NEDD4L: variants seen among roughly 807,000 people sequenced by gnomAD.
The protein encoded by NEDD4L is E3 ubiquitin-protein ligase NEDD4-like.
Under a neutral mutation model 148.9 loss-of-function variants are expected in NEDD4L, and 54 were observed. The ratio of observed to expected loss-of-function variants is 0.36; its 90% confidence interval spans 0.29 to 0.45. The LOEUF (loss-of-function observed/expected upper bound fraction) is 0.45, where lower values mean the gene tolerates loss of function less well. NEDD4L is among the 20% of genes least tolerant of loss of function. NEDD4L has a pLI of 1.00. For synonymous variants in NEDD4L, 433 were observed against 440.7 expected, an observed-to-expected ratio of 0.98 and a Z score of 0.22; for missense variants, 856 against 1,233.8, an observed-to-expected ratio of 0.69 and a Z score of 4.59.
Position 58,364,312 on chromosome 18 carries a change from C to T in NEDD4L, c.1812C>T (p.Phe604=). Residue 604 remains phenylalanine (F), a synonymous_variant, in exon 20 of 31, where the codon TTC becomes TTT. Transcript: ENST00000400345. ...SREFKQKYDY[F]RKKLKKPADI... ...AATTTAAGCAGAAATATGACTACTT[C>T]AGGAAGAAATTAAAGAAACCTGTGA... The T allele has an allele frequency of 1.9e-6, 3 of 1,561,178 alleles. No homozygotes were observed. Among genetic ancestry groups the T allele is most frequent in the Non-Finnish European group, 2.6e-6 (3 of 1,150,760 alleles).
At chr18:58,265,026 C>T (rs972109165) in intron 5 of NEDD4L, among the ~76,000 whole-genome samples, 3 of 151,946 alleles carry the variant, frequency 2.0e-5, no homozygotes, top group Non-Finnish European at 2.9e-5. Context: ...AAGCCTTACT[C>T]CTGATAGCAG....
intron 5 of NEDD4L, among the ~76,000 whole-genome samples, chr18:58,312,588 C>CAT (rs1034576828): frequency 1.7e-4 from 26 of 152,324 alleles, no homozygotes; most frequent in African/African-American, 5.8e-4. Context: ...GTTCCTTCAA[C>CAT]ATGCCTGCTC....
At chr18:58,228,361 G>T (rs993654681) in intron 2 of NEDD4L, among the ~76,000 whole-genome samples, 8 of 152,176 alleles carry the variant, frequency 5.3e-5, no homozygotes, top group African/African-American at 7.2e-5. Context: ...CATGCCAGGT[G>T]GGGGGCAGGA....
intron 4 of NEDD4L, among the ~76,000 whole-genome samples, chr18:58,250,308 C>T (rs2047749722): frequency 6.6e-6 from 1 of 152,072 alleles, no homozygotes; most frequent in South Asian, 2.1e-4. Context: ...TACCACCACG[C>T]CTGGCTAATT....
At chr18:58,210,867 G>A (rs2042536714) in intron 2 of NEDD4L, among the ~76,000 whole-genome samples, 1 of 152,026 alleles carries the variant, frequency 6.6e-6, no homozygotes, top group Non-Finnish European at 1.5e-5. Flanking sequence ...AGACTCTTGG[G>A]TGCATCAAAA....
intron 1 of NEDD4L, among the ~76,000 whole-genome samples, chr18:58,164,996 G>T (rs1166908805): frequency 6.6e-6 from 1 of 152,170 alleles, no homozygotes. Flanking sequence ...GAGTTATCCT[G>T]GACTTCTGCC....
At chr18:58,308,774 T>C (rs1224850184) in intron 5 of NEDD4L, among the ~76,000 whole-genome samples, 1 of 152,220 alleles carries the variant, frequency 6.6e-6, no homozygotes, top group Non-Finnish European at 1.5e-5. Flanking sequence ...ACTTTTGCTT[T>C]GTGTCTGCGT....
At chr18:58,352,602 T>C (rs1601602524) in intron 18 of NEDD4L, among the ~76,000 whole-genome samples, 2 of 152,014 alleles carry the variant, frequency 1.3e-5, no homozygotes, top group Non-Finnish European at 1.5e-5. Context: ...GAGGTTGCGG[T>C]GAGACAAGAT....
chr18:58,276,691 A>ATTATTAT lies in NEDD4L; in HGVS notation c.297+24638_297+24639insTATTATT, dbSNP rs1555783364. 2.0e-3 allele frequency among the ~76,000 whole-genome samples: 178 copies of ATTATTAT among 89,704 alleles called. 1 individual carries two copies. Among genetic ancestry groups the ATTATTAT allele is most frequent in the South Asian group, 4.8e-3 (16 of 3,326 alleles). The allele number at this position is 89,704 out of a possible 152,430, so 58.8% of individuals were successfully genotyped here. A position where few individuals can be genotyped will look rare whatever the true frequency, so the allele number is the denominator to read the frequency against. ...ATTGTGGTCAGCTATAATAATAATA[A>ATTATTAT]TAATATTATTATTATTATTATTAAT... On this transcript the variant is annotated intron_variant, in intron 5 of 30. Transcript: ENST00000400345.
At chr18:58,340,520 CTGTGT>C (rs1421418454) in intron 13 of NEDD4L, among the ~76,000 whole-genome samples, 1 of 152,124 alleles carries the variant, frequency 6.6e-6, no homozygotes, top group African/African-American at 2.4e-5. Flanking sequence ...AGAAGGGGCT[CTGTGT>C]TGGGATTTTA....
intron 5 of NEDD4L, chr18:58,255,476 GC>G (rs2029881165): frequency 1.1e-5 from 13 of 1,227,896 alleles, no homozygotes; most frequent in African/African-American, 1.6e-5. Context: ...AATGCCGCTT[GC>G]CACTTGGGTT....
intron 22 of NEDD4L, among the ~76,000 whole-genome samples, chr18:58,369,282 G>A (rs2046513840): frequency 6.6e-6 from 1 of 152,164 alleles, no homozygotes; most frequent in African/African-American, 2.4e-5. Flanking sequence ...AAGAAGATGG[G>A]CGGAAGCAGG....
chr18:58,265,305 G>C (rs1209234627), intron 5 of NEDD4L, among the ~76,000 whole-genome samples: 2 of 152,028 alleles, frequency 1.3e-5, no homozygotes, highest in Non-Finnish European at 2.9e-5. Context: ...GATTTCTTGG[G>C]TGTGGCTGTC....
intron 1 of NEDD4L, among the ~76,000 whole-genome samples, chr18:58,084,901 C>T (rs1425283136): frequency 6.6e-6 from 1 of 151,946 alleles, no homozygotes; most frequent in Admixed American, 6.6e-5. Context: ...TCCTATGTTG[C>T]CCAGCCTGGT....
At chr18:58,335,642 C>T in intron 13 of NEDD4L, 105 bp downstream of exon 13, 1 of 860,570 alleles carries the variant, frequency 1.2e-6, no homozygotes, top group East Asian at 2.5e-5. Context: ...AGATTAGCTC[C>T]TTTGTGCTAC....
At chr18:58,181,383 A>T (rs753978621) in intron 2 of NEDD4L, among the ~76,000 whole-genome samples, 4 of 152,210 alleles carry the variant, frequency 2.6e-5, no homozygotes, top group Admixed American at 6.5e-5. Context: ...AATGTTTATG[A>T]ATCAGAGCTT....
chr18:58,330,926 C>G lies in NEDD4L; in HGVS notation c.990+12C>G. ...TCAGCTCTTTGATTGTAAGTAGTGGCCTTGTTTGAAAGAAAAGCTGAGCAA... is the reference window on the plus strand; with the variant it reads ...TCAGCTCTTTGATTGTAAGTAGTGGGCTTGTTTGAAAGAAAAGCTGAGCAA... On this transcript the variant is annotated intron_variant, in intron 11 of 30. Transcript: ENST00000400345. The G allele has an allele frequency of 6.2e-7, 1 of 1,610,718 alleles. No individual in the cohort carries two copies. The highest frequency in any genetic ancestry group is 1.3e-5 in the African/African-American group (1 of 74,942).
chr18:58,139,811 A>G (rs1599045140), intron 1 of NEDD4L, among the ~76,000 whole-genome samples: 1 of 152,076 alleles, frequency 6.6e-6, no homozygotes, highest in Non-Finnish European at 1.5e-5. Context: ...AGAACCCCCT[A>G]AAAGGGGAGG....
At chr18:58,370,823 C>A (rs2046765728) in intron 23 of NEDD4L, among the ~76,000 whole-genome samples, 1 of 152,148 alleles carries the variant, frequency 6.6e-6, no homozygotes. Context: ...TTCATCCGCT[C>A]TCCCTCTGTT....
Sources: allele counts gnomAD v4.1 joint callset (sites outside exome capture counted in the v4.1 genomes callset), GRCh38; gene constraint gnomAD v4.1.1; transcripts MANE v1.5; gene names NCBI Gene and HGNC (gene_info 2026-07-23, HGNC 2026-07-21).